Variants in KIF16B observed in about 807,000 individuals in gnomAD.
KIF16B encodes kinesin-like protein KIF16B.
A neutral mutation model predicts 156.3 loss-of-function variants in KIF16B; 98 were observed. That is an observed-to-expected ratio of 0.63 (90% CI 0.53 to 0.74). The LOEUF (loss-of-function observed/expected upper bound fraction) is 0.74, where lower values mean the gene tolerates loss of function less well. Ranked by LOEUF, KIF16B falls within the 30% of genes least tolerant of loss-of-function variation. The pLI, the probability that KIF16B is intolerant of heterozygous loss-of-function variation, is 0.00. For missense variants in KIF16B, 1,421 were observed against 1,606.5 expected, an observed-to-expected ratio of 0.88 and a Z score of 1.97; for synonymous variants, 564 against 583.7, an observed-to-expected ratio of 0.97 and a Z score of 0.49.
intron 24 of KIF16B, among the ~76,000 whole-genome samples, chr20:16,334,585 T>A (rs2064002514): frequency 6.6e-6 from 1 of 152,224 alleles, no homozygotes; most frequent in African/African-American, 2.4e-5. Flanking sequence ...AAATCTCATG[T>A]TGAAATATGA....
chr20:16,453,686 T>C (rs1258540901), intron 12 of KIF16B, among the ~76,000 whole-genome samples: 1 of 152,176 alleles, frequency 6.6e-6, no homozygotes, highest in Non-Finnish European at 1.5e-5. Context: ...ATGTAATTAA[T>C]CGGCCCTTAA....
intron 25 of KIF16B, among the ~76,000 whole-genome samples, chr20:16,284,021 G>A (rs1037668978): frequency 2.0e-5 from 3 of 152,188 alleles, no homozygotes; most frequent in Non-Finnish European, 2.9e-5. Flanking sequence ...ACGCTTCTGC[G>A]AAAGTTGTAA....
intron 12 of KIF16B, among the ~76,000 whole-genome samples, chr20:16,453,199 G>A (rs1319399555): frequency 2.0e-5 from 3 of 152,018 alleles, no homozygotes; most frequent in Non-Finnish European, 4.4e-5. Context: ...GAGCCTAGGA[G>A]CTCAAGGCTG....
At chr20:16,310,942 C>T (rs1430371190) in intron 25 of KIF16B, among the ~76,000 whole-genome samples, 1 of 152,164 alleles carries the variant, frequency 6.6e-6, no homozygotes, top group Non-Finnish European at 1.5e-5. Flanking sequence ...CAACAACCTC[C>T]CAGTCTTCAA....
intron 12 of KIF16B, among the ~76,000 whole-genome samples, chr20:16,492,187 G>A (rs898268822): frequency 3.9e-5 from 6 of 152,094 alleles, no homozygotes; most frequent in South Asian, 2.1e-4. Flanking sequence ...GATGTAAAAC[G>A]CTAACAGCAG....
chr20:16,445,950 G>C (rs767808395), intron 12 of KIF16B, among the ~76,000 whole-genome samples: 5 of 152,090 alleles, frequency 3.3e-5, no homozygotes, highest in Non-Finnish European at 5.9e-5. Flanking sequence ...GTTAGTGTGT[G>C]ATGGATTAAA....
At chr20:16,382,943 C>G (rs2065135049) in intron 17 of KIF16B, among the ~76,000 whole-genome samples, 1 of 152,114 alleles carries the variant, frequency 6.6e-6, no homozygotes, top group African/African-American at 2.4e-5. Flanking sequence ...AGTTCTCTTT[C>G]CAATTTAATA....
intron 24 of KIF16B, among the ~76,000 whole-genome samples, chr20:16,314,073 G>A (rs2063660845): frequency 6.6e-6 from 1 of 152,136 alleles, no homozygotes; most frequent in Admixed American, 6.5e-5. Context: ...GAGAGATGTG[G>A]TTGCTCCAGA....
chr20:16,513,806 G>A (rs180722404), intron 4 of KIF16B, among the ~76,000 whole-genome samples: 82 of 151,724 alleles, frequency 5.4e-4, no homozygotes, highest in Non-Finnish European at 8.7e-4. Context: ...TCATGTTTCA[G>A]TCAACCTTAA....
chr20:16,410,156 C>CATATATGTAGGTACATAT, intron 15 of KIF16B, among the ~76,000 whole-genome samples: 2 of 75,088 alleles, frequency 2.7e-5, no homozygotes, highest in East Asian at 4.3e-4. Flanking sequence ...GGTACATATA[C>CATATATGTAGGTACATAT]ATATATGTAG....
intron 7 of KIF16B, 57 bp downstream of exon 7, chr20:16,507,901 T>C (rs960033214): frequency 1.3e-6 from 2 of 1,588,474 alleles, no homozygotes; most frequent in Non-Finnish European, 1.7e-6. Flanking sequence ...CAGCTGGTGC[T>C]AATCAGCAAG....
chr20:16,281,414 A>G (rs2063144509), intron 25 of KIF16B, among the ~76,000 whole-genome samples: 1 of 152,112 alleles, frequency 6.6e-6, no homozygotes, highest in South Asian at 2.1e-4. Context: ...TCAGGCCTGA[A>G]TGGAGCTACT....
intron 4 of KIF16B, among the ~76,000 whole-genome samples, chr20:16,513,659 TAAAAAAAAAAAAAA>T (rs10713040): frequency 0.013 from 1,477 of 112,730 alleles, 40 homozygotes; most frequent in African/African-American, 0.047. Flanking sequence ...AAACTACGTT[TAAAAAAAAAAAAAA>T]AAAAAAAAAA....
chr20:16,298,162 G>A (rs1393218994), intron 25 of KIF16B, among the ~76,000 whole-genome samples: 4 of 152,172 alleles, frequency 2.6e-5, no homozygotes, highest in Non-Finnish European at 5.9e-5. Context: ...AGAATATACT[G>A]GAACAAGGCT....
intron 25 of KIF16B, among the ~76,000 whole-genome samples, chr20:16,286,560 G>C (rs369560804): frequency 6.6e-6 from 1 of 152,016 alleles, no homozygotes; most frequent in African/African-American, 2.4e-5. Context: ...CTTAAACATC[G>C]TCATCTTTCT....
At chr20:16,283,141 C>G (rs2063171366) in intron 25 of KIF16B, among the ~76,000 whole-genome samples, 1 of 152,152 alleles carries the variant, frequency 6.6e-6, no homozygotes, top group Non-Finnish European at 1.5e-5. Context: ...GGATGGTATA[C>G]TTTGGGCTTT....
chr20:16,372,083 G>A (rs2064836032), intron 20 of KIF16B, among the ~76,000 whole-genome samples: 1 of 152,130 alleles, frequency 6.6e-6, no homozygotes, highest in South Asian at 2.1e-4. Flanking sequence ...GGCTTCAGAA[G>A]GCTCTGCGGT....
At chr20:16,351,077 G>A (rs559321537) in intron 23 of KIF16B, among the ~76,000 whole-genome samples, 33 of 152,196 alleles carry the variant, frequency 2.2e-4, no homozygotes, top group African/African-American at 7.7e-4. Context: ...AGGGCAGGGG[G>A]CACTACTGCA....
chr20:16,380,329 T>A (rs1273061751), intron 18 of KIF16B, among the ~76,000 whole-genome samples, 166 bp from the exon 19 acceptor site: 2 of 152,214 alleles, frequency 1.3e-5, no homozygotes, highest in Non-Finnish European at 2.9e-5. Flanking sequence ...GCATCCTGTT[T>A]AATTTTTTTT....
Sources: gnomAD v4.1 joint callset for allele counts (sites outside exome capture counted in the v4.1 genomes callset) on GRCh38, gnomAD v4.1.1 for gene constraint, MANE v1.5 for transcripts, NCBI Gene and HGNC (gene_info 2026-07-23, HGNC 2026-07-21) for gene names.